MRE11: variants seen among roughly 807,000 people sequenced by gnomAD.
MRE11 encodes double-strand break repair protein MRE11.
In MRE11, 62 loss-of-function variants were observed where a neutral mutation model predicts 91.7. The observed-to-expected ratio is 0.68, with a 90% CI of 0.55 to 0.84. The LOEUF (loss-of-function observed/expected upper bound fraction) is 0.84, where lower values mean the gene tolerates loss of function less well. Among genes scored for constraint, MRE11 ranks in the 40% least tolerant of loss-of-function variants. The probability of loss-of-function intolerance (pLI) is 0.00; values close to 1 mark genes in which losing one functional copy is unlikely to be tolerated. For synonymous variants in MRE11, 273 were observed against 271.4 expected (o/e 1.01, Z -0.06); for missense variants, 796 against 852.9 (o/e 0.93, Z 0.83).
chr11:94,466,106 G>A (rs533984), intron 10 of MRE11, among the ~76,000 whole-genome samples: 71,638 of 151,838 alleles, frequency 0.47, 17,955 homozygotes, highest in African/African-American at 0.65. Flanking sequence ...TATGTCCCAC[G>A]CAACAGGATC....
chr11:94,421,469 A>G (rs922334168), intron 19 of MRE11, among the ~76,000 whole-genome samples: 6 of 152,250 alleles, frequency 3.9e-5, no homozygotes, highest in Non-Finnish European at 5.9e-5. Context: ...CTAATAGATA[A>G]TTTGCTAATA....
intron 19 of MRE11, among the ~76,000 whole-genome samples, chr11:94,422,657 A>G (rs1219581458): frequency 1.3e-5 from 2 of 152,184 alleles, no homozygotes; most frequent in Non-Finnish European, 2.9e-5. Context: ...GGCACTCAAC[A>G]TATGTTACTT....
the MRE11 span, among the ~76,000 whole-genome samples, chr11:94,502,257 T>C: frequency 9.9e-5 from 15 of 152,228 alleles, no homozygotes; most frequent in Non-Finnish European, 1.6e-4. Context: ...TTCTACCACC[T>C]TTCCTCTTCA....
the MRE11 span, among the ~76,000 whole-genome samples, chr11:94,501,916 C>A: frequency 6.6e-6 from 1 of 151,948 alleles, no homozygotes; most frequent in Non-Finnish European, 1.5e-5. Flanking sequence ...TGAAATACAT[C>A]GAAATCATAT....
chr11:94,431,061 A>T (rs923145844), intron 18 of MRE11, among the ~76,000 whole-genome samples: 1 of 152,220 alleles, frequency 6.6e-6, no homozygotes, highest in Non-Finnish European at 1.5e-5. Context: ...CCCGTCTTCA[A>T]TAAAAGTAGT....
chr11:94,498,054 C>CTTTTT (rs748359870), upstream of MRE11: 5 of 1,530,540 alleles, frequency 3.3e-6, no homozygotes, highest in African/African-American at 4.2e-5. Context: ...TGAAAGATTT[C>CTTTTT]TTTTTTTTCT....
chr11:94,478,917 A>G (rs1463980009), intron 5 of MRE11, 41 bp from the exon 6 acceptor site: 3 of 1,604,236 alleles, frequency 1.9e-6, no homozygotes, highest in African/African-American at 2.7e-5. Context: ...GTGTATGTAA[A>G]AGTAGGTATC....
At chr11:94,488,916 C>T (rs920885884) in intron 3 of MRE11, among the ~76,000 whole-genome samples, 4 of 151,988 alleles carry the variant, frequency 2.6e-5, no homozygotes, top group African/African-American at 9.7e-5. Flanking sequence ...TGTAACAAAC[C>T]TGCACATGTA....
chr11:94,430,002 A>G lies in MRE11; in HGVS notation c.1995-16T>C. The G allele has an allele frequency of 6.2e-7, 1 of 1,613,302 alleles. No individual in the cohort carries two copies. ...GCTGGACCACCTGAGGCAAAACAAA[A>G]ACAAAAACAAACACAATGAACTACA... On this transcript the variant is annotated splice_polypyrimidine_tract_variant and intron_variant, in intron 18 of 19. Transcript: ENST00000323929.
At chr11:94,488,371 C>T (rs1947196599) in intron 3 of MRE11, among the ~76,000 whole-genome samples, 1 of 152,134 alleles carries the variant, frequency 6.6e-6, no homozygotes, top group Admixed American at 6.5e-5. Context: ...TAAACTGGTT[C>T]AACCATTGTG....
At chr11:94,458,341 A>G (rs1946317176) in intron 13 of MRE11, among the ~76,000 whole-genome samples, 1 of 151,194 alleles carries the variant, frequency 6.6e-6, no homozygotes, top group African/African-American at 2.4e-5. Flanking sequence ...ACAATTACAT[A>G]TAAAATAAAA....
At chr11:94,433,993 A>T (rs1306803075) in intron 18 of MRE11, among the ~76,000 whole-genome samples, 2 of 152,136 alleles carry the variant, frequency 1.3e-5, no homozygotes, top group Non-Finnish European at 1.5e-5. Flanking sequence ...CCTTTAATGC[A>T]TGCTAACTGA....
chr11:94,442,959 G>T (rs551576596), intron 16 of MRE11, among the ~76,000 whole-genome samples: 1 of 152,290 alleles, frequency 6.6e-6, no homozygotes, highest in Admixed American at 6.5e-5. Flanking sequence ...AAGACAACAT[G>T]TTTGTGAAGC....
At chr11:94,507,341 T>C in the MRE11 span, among the ~76,000 whole-genome samples, 3 of 152,244 alleles carry the variant, frequency 2.0e-5, no homozygotes, top group African/African-American at 7.2e-5. Context: ...TATATGAATA[T>C]GTAATAATTT....
At chr11:94,420,535 ATCTAC>A (rs1450566977) in intron 19 of MRE11, among the ~76,000 whole-genome samples, 1 of 152,206 alleles carries the variant, frequency 6.6e-6, no homozygotes. Flanking sequence ...TTACAGTTGT[ATCTAC>A]TCTTCTGGAA....
chr11:94,422,885 G>GT (rs1183291612), intron 19 of MRE11, among the ~76,000 whole-genome samples: 1 of 151,986 alleles, frequency 6.6e-6, no homozygotes, highest in African/African-American at 2.4e-5. Context: ...GGCTAATTTT[G>GT]TATTTTCAGT....
intron 11 of MRE11, among the ~76,000 whole-genome samples, chr11:94,461,617 C>A (rs545592800): frequency 1.3e-5 from 2 of 152,234 alleles, no homozygotes; most frequent in Admixed American, 6.5e-5. Flanking sequence ...GAAGTTCCGG[C>A]CAGGGCAATC....
chr11:94,431,847 C>G (rs191220150), intron 18 of MRE11, among the ~76,000 whole-genome samples: 2 of 152,192 alleles, frequency 1.3e-5, no homozygotes, highest in Admixed American at 1.3e-4. Context: ...AATCGGCAGA[C>G]ATTTATACAG....
In MRE11 at chr11:94,462,241, AAGG is replaced by A. The variant is rs1946439508; in HGVS notation, c.1226-1208_1226-1206del. Among the ~76,000 whole-genome samples, 3 of 152,334 alleles carry A rather than the reference AAGG, an allele frequency of 2.0e-5. No homozygotes were observed. In the South Asian group the frequency reaches 6.2e-4, roughly 32 times the overall value. On this transcript the variant is annotated intron_variant, in intron 11 of 19. Transcript: ENST00000323929. Reference sequence around the variant, plus strand: ...TTACAAGGATATGAAGGTCCTCTTCAAGGAGAACTACAAACCACTGCTCAACGA... The same window carrying A: ...TTACAAGGATATGAAGGTCCTCTTCAAGAACTACAAACCACTGCTCAACGA...
Sources: gnomAD v4.1 joint callset for allele counts (sites outside exome capture counted in the v4.1 genomes callset) on GRCh38, gnomAD v4.1.1 for gene constraint, MANE v1.5 for transcripts, NCBI Gene and HGNC (gene_info 2026-07-23, HGNC 2026-07-21) for gene names.